Variants in AGBL1 observed in about 807,000 individuals in gnomAD.
AGBL1 encodes the protein cytosolic carboxypeptidase 4.
A neutral mutation model predicts 118.9 loss-of-function variants in AGBL1; 130 were observed. The observed-to-expected ratio is 1.09, with a 90% CI of 0.95 to 1.26. The LOEUF (loss-of-function observed/expected upper bound fraction) is 1.26, where lower values mean the gene tolerates loss of function less well. AGBL1 is among the 50% of genes most tolerant of loss of function. The probability of loss-of-function intolerance (pLI) is 0.00; values close to 1 mark genes in which losing one functional copy is unlikely to be tolerated. For synonymous variants in AGBL1, 555 were observed against 478.9 expected (o/e 1.16, Z -2.08); for missense variants, 1,584 against 1,298.1 (o/e 1.22, Z -3.38).
At chr15:86,722,609 TG>T (rs2086743649) in intron 22 of AGBL1, among the ~76,000 whole-genome samples, 1 of 152,138 alleles carries the variant, frequency 6.6e-6, no homozygotes, top group Non-Finnish European at 1.5e-5. Flanking sequence ...AAGGACTTCC[TG>T]TCTAAAACAC....
intron 19 of AGBL1, among the ~76,000 whole-genome samples, chr15:86,533,645 A>G (rs1302968964): frequency 5.2e-5 from 7 of 134,110 alleles, no homozygotes; most frequent in African/African-American, 1.6e-4. Flanking sequence ...TCATGCTGCT[A>G]TAAAGACACA....
At chr15:86,918,145 G>A (rs1439916602), downstream of AGBL1, among the ~76,000 whole-genome samples, 2 of 152,188 alleles carry the variant, frequency 1.3e-5, no homozygotes, top group African/African-American at 2.4e-5. Flanking sequence ...GAATATGATG[G>A]TAATGATAAT....
At chr15:86,840,480 C>G (rs920696839) in intron 22 of AGBL1, among the ~76,000 whole-genome samples, 27 of 152,254 alleles carry the variant, frequency 1.8e-4, no homozygotes, top group African/African-American at 6.5e-4. Flanking sequence ...GAGTCTCACT[C>G]TGTTGCCCAG....
At chr15:86,143,953 G>C in intron 3 of AGBL1, 108 bp downstream of exon 3, 4 of 1,358,446 alleles carry the variant, frequency 2.9e-6, no homozygotes, top group Non-Finnish European at 3.9e-6. Flanking sequence ...GAAAGCGTCA[G>C]GGAGGTTCTG....
intron 23 of AGBL1, among the ~76,000 whole-genome samples, chr15:86,965,232 G>C (rs2081037262): frequency 6.6e-6 from 1 of 152,050 alleles, no homozygotes. Context: ...GGTTGAACTA[G>C]TTTACAGTCC....
At chr15:86,597,070 T>A (rs1411865090) in intron 21 of AGBL1, among the ~76,000 whole-genome samples, 2 of 152,142 alleles carry the variant, frequency 1.3e-5, no homozygotes, top group Admixed American at 1.3e-4. Flanking sequence ...TCAGTCCATT[T>A]GTTTCTTTGT....
At chr15:86,197,089 C>T (rs1247494619) in intron 5 of AGBL1, among the ~76,000 whole-genome samples, 1 of 152,148 alleles carries the variant, frequency 6.6e-6, no homozygotes, top group Non-Finnish European at 1.5e-5. Context: ...TTATGGCAGC[C>T]TGAGCTGACA....
intron 18 of AGBL1, among the ~76,000 whole-genome samples, chr15:86,419,428 C>G (rs1465594075): frequency 6.6e-6 from 1 of 152,150 alleles, no homozygotes; most frequent in Non-Finnish European, 1.5e-5. Flanking sequence ...CATTATGGCC[C>G]AGATACTATG....
intron 24 of AGBL1, among the ~76,000 whole-genome samples, chr15:87,010,379 C>T (rs1415705890): frequency 6.6e-6 from 1 of 152,128 alleles, no homozygotes; most frequent in Admixed American, 6.5e-5. Context: ...TCCGTTAAAC[C>T]TCTCTCTTTT....
intron 19 of AGBL1, among the ~76,000 whole-genome samples, chr15:86,528,453 T>A (rs1051340227): frequency 3.8e-4 from 57 of 150,970 alleles, no homozygotes; most frequent in African/African-American, 1.3e-3. Context: ...GCTCGGAGGG[T>A]CCTACACCCA....
At position 86,809,359 on chromosome 15, in the gene AGBL1, G is replaced by T. The variant is rs2078759220; in HGVS notation, c.3159-97728G>T. On this transcript the variant is annotated intron_variant, in intron 22 of 22. Coordinates refer to ENST00000614907, the MANE Select transcript of AGBL1 (RefSeq NM_001386094.1). ...TTGATGACTCCTTCTACCCTCAAAA[G>T]CCCCTGTCCTTAAAAGTTAACATCT... is the stretch of plus-strand genomic sequence containing the variant. Among the ~76,000 whole-genome samples, 3 of 152,194 alleles carry T rather than the reference G, an allele frequency of 2.0e-5. No homozygotes were observed. The East Asian group carries it at 5.8e-4, about 29-fold the overall frequency.
At chr15:86,857,641 G>C (rs8026665) in intron 22 of AGBL1, among the ~76,000 whole-genome samples, 1 of 151,974 alleles carries the variant, frequency 6.6e-6, no homozygotes, top group East Asian at 1.9e-4. Context: ...TCATCACAGA[G>C]AGTAGTCATT....
At position 86,739,890 on chromosome 15, in the gene AGBL1, A is replaced by G. The variant is rs182721976; in HGVS notation, c.3158+65454A>G. Among the ~76,000 whole-genome samples the G allele has an allele frequency of 1.9e-3, 282 of 152,290 alleles. 2 individuals carry two copies. Among genetic ancestry groups the G allele is most frequent in the Non-Finnish European group, 2.2e-3 (151 of 68,010 alleles). On this transcript the variant is annotated intron_variant, in intron 22 of 22. Transcript: ENST00000614907. ...CCTCTCCAGAAGGGTGGCCTAATGA[A>G]TCACTGAGCCCTGCTATGAAGAGAA...
chr15:86,385,292 C>T (rs994088246), intron 17 of AGBL1, among the ~76,000 whole-genome samples: 6 of 152,064 alleles, frequency 3.9e-5, no homozygotes, highest in Non-Finnish European at 5.9e-5. Flanking sequence ...AATGTGGCTA[C>T]TAGAAAAAAT....
intron 17 of AGBL1, among the ~76,000 whole-genome samples, chr15:86,392,488 C>T (rs2081303039): frequency 6.6e-6 from 1 of 152,038 alleles, no homozygotes; most frequent in South Asian, 2.1e-4. Flanking sequence ...TTATTAGTTT[C>T]CTGAGAGCAA....
At chr15:86,702,858 A>C (rs2086384062) in intron 22 of AGBL1, among the ~76,000 whole-genome samples, 1 of 123,304 alleles carries the variant, frequency 8.1e-6, no homozygotes, top group South Asian at 3.2e-4. Context: ...TAATTACGTC[A>C]ACCTCCAATG....
At chr15:86,089,495 G>A (rs963767924) in intron 1 of AGBL1, among the ~76,000 whole-genome samples, 1 of 152,182 alleles carries the variant, frequency 6.6e-6, no homozygotes, top group Non-Finnish European at 1.5e-5. Context: ...ATGGCGATAA[G>A]GATAGCTTTA....
At chr15:86,955,611 G>C (rs1045930725) in intron 23 of AGBL1, among the ~76,000 whole-genome samples, 1 of 152,080 alleles carries the variant, frequency 6.6e-6, no homozygotes, top group Admixed American at 6.6e-5. Context: ...ATGATTAAGA[G>C]AAAAGAAAGA....
At chr15:86,457,743 A>G (rs2082278691) in intron 18 of AGBL1, among the ~76,000 whole-genome samples, 1 of 152,228 alleles carries the variant, frequency 6.6e-6, no homozygotes, top group South Asian at 2.1e-4. Flanking sequence ...AAGGATGTCA[A>G]GGGATTATAT....
Sources: gnomAD v4.1 joint callset for allele counts (sites outside exome capture counted in the v4.1 genomes callset) on GRCh38, gnomAD v4.1.1 for gene constraint, MANE v1.5 for transcripts, NCBI Gene and HGNC (gene_info 2026-07-23, HGNC 2026-07-21) for gene names.